GRM5: variants seen among roughly 807,000 people sequenced by gnomAD.
GRM5 encodes the protein glutamate metabotropic receptor 5.
GRM5 carries 19 observed loss-of-function variants against 83.1 expected under a neutral mutation model. That is an observed-to-expected ratio of 0.23 (90% CI 0.16 to 0.34). GRM5 has a LOEUF of 0.34. GRM5 is among the 10% of genes least tolerant of loss of function. The probability of loss-of-function intolerance (pLI) is 1.00; values close to 1 mark genes in which losing one functional copy is unlikely to be tolerated. For missense variants in GRM5, 1,160 were observed against 1,588.3 expected, an observed-to-expected ratio of 0.73 and a Z score of 4.58; for synonymous variants, 675 against 633.6, an observed-to-expected ratio of 1.07 and a Z score of -0.98.
At chr11:88,888,110 T>A (rs748361714) in intron 2 of GRM5, among the ~76,000 whole-genome samples, 21 of 152,110 alleles carry the variant, frequency 1.4e-4, no homozygotes, top group Non-Finnish European at 2.8e-4. Context: ...ATAATTGAGG[T>A]GATGCCACCA....
rs141915447 is a variant in GRM5 at position 88,993,545 on chromosome 11, A to G, written c.661+53667T>C. Among the ~76,000 whole-genome samples, 382 of 152,250 alleles carry G rather than the reference A, an allele frequency of 2.5e-3. 10 individuals carry two copies. In the East Asian group the frequency reaches 0.063, roughly 25 times the overall value. On this transcript the variant is annotated intron_variant, in intron 2 of 9. Transcript: ENST00000305447. ...AAGGAATGTGATGCCTCCAGCTTTG[A>G]TCTTTCTCAAAATTGCTTTGGCTAT...
chr11:88,830,632 C>T (rs1283440838), intron 3 of GRM5, among the ~76,000 whole-genome samples: 2 of 152,124 alleles, frequency 1.3e-5, no homozygotes, highest in Non-Finnish European at 2.9e-5. Context: ...CGGATTCCTG[C>T]AATACTTGCC....
At chr11:88,516,256 A>G (rs1941517666) in intron 9 of GRM5, among the ~76,000 whole-genome samples, 1 of 152,144 alleles carries the variant, frequency 6.6e-6, no homozygotes, top group African/African-American at 2.4e-5. Context: ...GAACTTAACT[A>G]AGTCGACCAA....
chr11:88,863,031 T>C (rs886629792), intron 2 of GRM5, among the ~76,000 whole-genome samples: 6 of 152,262 alleles, frequency 3.9e-5, no homozygotes, highest in Admixed American at 3.3e-4. Flanking sequence ...TCACTGATCA[T>C]TAGAGAAATG....
intron 4 of GRM5, among the ~76,000 whole-genome samples, chr11:88,614,711 G>T (rs1021651000): frequency 6.6e-6 from 1 of 152,108 alleles, no homozygotes; most frequent in Non-Finnish European, 1.5e-5. Context: ...TATCTGATAT[G>T]TGCCTAAGCA....
At chr11:88,524,148 AT>A (rs2135104610) in intron 9 of GRM5, 1 of 149,618 alleles carries the variant, frequency 6.7e-6, no homozygotes, top group South Asian at 2.1e-4. Context: ...TTTAATGTCA[AT>A]CTTGACTTTG....
At chr11:88,781,960 C>T (rs901650511) in intron 3 of GRM5, among the ~76,000 whole-genome samples, 1 of 152,098 alleles carries the variant, frequency 6.6e-6, no homozygotes, top group Admixed American at 6.6e-5. Flanking sequence ...CCAAGCATTC[C>T]TCACATGCTA....
intron 4 of GRM5, among the ~76,000 whole-genome samples, chr11:88,625,651 C>G (rs1938773603): frequency 6.6e-6 from 1 of 152,126 alleles, no homozygotes; most frequent in Admixed American, 6.6e-5. Context: ...GGGGCAAGGG[C>G]TGAAGAACTA....
At chr11:88,583,651 C>T (rs1340394064) in intron 7 of GRM5, among the ~76,000 whole-genome samples, 1 of 152,054 alleles carries the variant, frequency 6.6e-6, no homozygotes, top group Non-Finnish European at 1.5e-5. Context: ...GGACTGGGGA[C>T]CTAAAGATCT....
intron 2 of GRM5, among the ~76,000 whole-genome samples, chr11:88,999,500 C>T (rs1250029630): frequency 6.6e-6 from 1 of 152,140 alleles, no homozygotes; most frequent in Non-Finnish European, 1.5e-5. Flanking sequence ...CTCATCATCA[C>T]TGGCCATCAG....
At position 88,798,805 on chromosome 11, in the gene GRM5, CAAAAAAAAAAAA is replaced by C. The variant is rs4002396; in HGVS notation, c.911+51089_911+51100del. ...ACTCTTTGCTACCTAATGAAAACAC[CAAAAAAAAAAAA>C]AAAAAAAAAACAACAACAACAACAA... On this transcript the variant is annotated intron_variant, in intron 3 of 9. Coordinates refer to ENST00000305447, the MANE Select transcript of GRM5 (RefSeq NM_001143831.3). 1.4e-4 allele frequency among the ~76,000 whole-genome samples: 8 copies of C among 55,384 alleles called. No homozygotes were observed. The East Asian group carries it at 4.0e-3, about 28-fold the overall frequency. 36.3% of individuals were successfully genotyped at this position (55,384 alleles called of 152,430 possible). A position where few individuals can be genotyped will look rare whatever the true frequency, so the allele number is the denominator to read the frequency against.
At chr11:89,012,964 G>T (rs886659145) in intron 2 of GRM5, among the ~76,000 whole-genome samples, 2 of 152,130 alleles carry the variant, frequency 1.3e-5, no homozygotes, top group African/African-American at 4.8e-5. Flanking sequence ...CTAAAGTTCT[G>T]AAAAAACATA....
intron 8 of GRM5, among the ~76,000 whole-genome samples, chr11:88,561,277 T>G (rs1409732691): frequency 1.3e-5 from 2 of 152,146 alleles, no homozygotes; most frequent in Non-Finnish European, 2.9e-5. Context: ...CTCGTGACAA[T>G]GCTAATTAAA....
At position 88,876,884 on chromosome 11, in the gene GRM5, T is replaced by TA. The variant is rs368043774; in HGVS notation, c.662-26730dup. Among the ~76,000 whole-genome samples, 74 of 152,048 alleles carry TA rather than the reference T, an allele frequency of 4.9e-4. 1 individual carries two copies. The highest frequency in any genetic ancestry group is 1.7e-3 in the African/African-American group (71 of 41,476). Reference sequence around the variant, plus strand: ...AACACAATGGAGTACTACTCAGCCATAAAAAAAGAATGAAATGGTGTTATT... The same window carrying TA: ...AACACAATGGAGTACTACTCAGCCATAAAAAAAAGAATGAAATGGTGTTATT... On this transcript the variant is annotated intron_variant, in intron 2 of 9. Transcript: ENST00000305447.
intron 8 of GRM5, among the ~76,000 whole-genome samples, chr11:88,529,588 G>A (rs1236186286): frequency 2.6e-5 from 4 of 151,884 alleles, no homozygotes; most frequent in African/African-American, 4.8e-5. Flanking sequence ...ATTATGAGAT[G>A]TCATTGTGGA....
rs1038049864 is a variant in GRM5 at position 88,762,766 on chromosome 11, C to A, written c.911+87140G>T. ...ATAATAGTAAAGACATGGAGTCAACCTAAATGGCCATCAGTAGTAGGTAGA... is the reference window on the plus strand; with the variant it reads ...ATAATAGTAAAGACATGGAGTCAACATAAATGGCCATCAGTAGTAGGTAGA... On this transcript the variant is annotated intron_variant, in intron 3 of 9. Transcript: ENST00000305447. Among the ~76,000 whole-genome samples, 13 of 151,858 alleles carry A rather than the reference C, an allele frequency of 8.6e-5. No homozygotes were observed. In the South Asian group the frequency reaches 2.7e-3, roughly 31 times the overall value.
At chr11:88,958,663 C>A (rs1938696433) in intron 2 of GRM5, among the ~76,000 whole-genome samples, 1 of 152,120 alleles carries the variant, frequency 6.6e-6, no homozygotes, top group Non-Finnish European at 1.5e-5. Context: ...TAGCAATTCT[C>A]AAACTTTCTA....
At chr11:88,608,776 C>T (rs1327451767) in intron 4 of GRM5, among the ~76,000 whole-genome samples, 2 of 152,112 alleles carry the variant, frequency 1.3e-5, no homozygotes, top group Non-Finnish European at 2.9e-5. Context: ...CCCACTTGGC[C>T]TCCCAAAGTG....
At chr11:88,996,478 C>G (rs1181378001) in intron 2 of GRM5, among the ~76,000 whole-genome samples, 1 of 152,160 alleles carries the variant, frequency 6.6e-6, no homozygotes, top group Non-Finnish European at 1.5e-5. Flanking sequence ...AAGAGGACAA[C>G]CCAATCCTAA....
Sources: allele counts gnomAD v4.1 joint callset (sites outside exome capture counted in the v4.1 genomes callset), GRCh38; gene constraint gnomAD v4.1.1; transcripts MANE v1.5; gene names NCBI Gene and HGNC (gene_info 2026-07-23, HGNC 2026-07-21).